Variants in RIMS1 observed in about 807,000 individuals in gnomAD.
RIMS1 encodes the protein regulating synaptic membrane exocytosis protein 1.
A neutral mutation model predicts 214.1 loss-of-function variants in RIMS1; 83 were observed. The ratio of observed to expected loss-of-function variants is 0.39; its 90% CI spans 0.32 to 0.47. RIMS1 has a LOEUF of 0.47. Among genes scored for constraint, RIMS1 ranks in the 20% least tolerant of loss-of-function variants. RIMS1 has a pLI of 0.99. For missense variants in RIMS1, 2,050 were observed against 2,161.8 expected, an observed-to-expected ratio of 0.95 and a Z score of 1.03; for synonymous variants, 793 against 786.8, an observed-to-expected ratio of 1.01 and a Z score of -0.13.
At chr6:72,241,874 CA>C (rs568466860) in intron 9 of RIMS1, among the ~76,000 whole-genome samples, 25 of 152,152 alleles carry the variant, frequency 1.6e-4, no homozygotes, top group African/African-American at 5.8e-4. Context: ...CTCTTTCTTC[CA>C]AAAATAAAAC....
chr6:72,210,859 G>A (rs1309617211), intron 6 of RIMS1, among the ~76,000 whole-genome samples: 1 of 152,114 alleles, frequency 6.6e-6, no homozygotes, highest in Non-Finnish European at 1.5e-5. Context: ...TAGTATAGTT[G>A]ATACTCAGAA....
At chr6:72,183,623 T>C (rs1238343619) in intron 6 of RIMS1, among the ~76,000 whole-genome samples, 1 of 151,704 alleles carries the variant, frequency 6.6e-6, no homozygotes, top group Non-Finnish European at 1.5e-5. Flanking sequence ...GTGAACAGAT[T>C]ACAGTTTATT....
At chr6:72,238,752 T>A (rs2065383760) in intron 9 of RIMS1, among the ~76,000 whole-genome samples, 1 of 152,120 alleles carries the variant, frequency 6.6e-6, no homozygotes, top group East Asian at 1.9e-4. Flanking sequence ...GAATTAAAGA[T>A]TAATAACCCA....
intron 24 of RIMS1, among the ~76,000 whole-genome samples, chr6:72,285,424 A>G (rs1213139942): frequency 1.3e-5 from 2 of 152,250 alleles, no homozygotes; most frequent in East Asian, 1.9e-4. Context: ...GTAGCAAAAA[A>G]GAAAAGCTTT....
intron 2 of RIMS1, among the ~76,000 whole-genome samples, chr6:72,012,694 C>A (rs965293167): frequency 6.6e-6 from 1 of 152,180 alleles, no homozygotes; most frequent in South Asian, 2.1e-4. Context: ...ATGTACACAG[C>A]AAGGTTATAA....
rs150894203 is a variant in RIMS1, at chr6:72,022,048, A to G, written c.245+52985A>G. ...TAGGTTATCTTGTTATGAAAGAGAG[A>G]AAGAATGGATATTAGGGGACAACTA... On this transcript the variant is annotated intron_variant, in intron 2 of 33. Transcript: ENST00000521978. Among the ~76,000 whole-genome samples the G allele has an allele frequency of 2.9e-4, 44 of 152,306 alleles. 1 individual carries two copies. The East Asian group carries it at 8.1e-3, about 28-fold the overall frequency.
chr6:72,034,512 C>T (rs1015147996), intron 2 of RIMS1, among the ~76,000 whole-genome samples: 3 of 151,824 alleles, frequency 2.0e-5, no homozygotes, highest in Admixed American at 2.0e-4. Flanking sequence ...TTATGTTTTC[C>T]TGGAACAGGT....
intron 4 of RIMS1, among the ~76,000 whole-genome samples, chr6:72,172,818 T>C (rs570650193): frequency 1.2e-4 from 18 of 152,308 alleles, no homozygotes; most frequent in South Asian, 6.2e-4. Flanking sequence ...GCCTTTTGTG[T>C]TGTTGCTGTT....
intron 4 of RIMS1, among the ~76,000 whole-genome samples, chr6:72,150,331 G>A (rs1190334656): frequency 6.6e-6 from 1 of 152,156 alleles, no homozygotes; most frequent in Non-Finnish European, 1.5e-5. Flanking sequence ...TGGGAAGAGA[G>A]GTTCTCAATT....
chr6:71,974,802 AAC>A (rs1796754395), intron 2 of RIMS1, among the ~76,000 whole-genome samples: 1 of 152,226 alleles, frequency 6.6e-6, no homozygotes, highest in African/African-American at 2.4e-5. Flanking sequence ...CTCCAATTGC[AAC>A]ACTCAGAAAA....
At chr6:72,392,899 A>G (rs577874477) in intron 31 of RIMS1, 89 bp downstream of exon 31, 6 of 861,950 alleles carry the variant, frequency 7.0e-6, no homozygotes, top group East Asian at 5.1e-5. Context: ...TAATAGCAAT[A>G]CAAGTGAGAA....
chr6:72,011,251 G>A (rs1000984097), intron 2 of RIMS1, among the ~76,000 whole-genome samples: 5 of 152,160 alleles, frequency 3.3e-5, no homozygotes. Context: ...TTTAATAAAT[G>A]GTGCTGGGAA....
chr6:72,238,717 A>T (rs1484614463), intron 9 of RIMS1, among the ~76,000 whole-genome samples: 1 of 152,174 alleles, frequency 6.6e-6, no homozygotes. Context: ...ACAACTATAA[A>T]GGAAACAGAG....
At chr6:71,900,732 T>G (rs1773355130) in intron 1 of RIMS1, among the ~76,000 whole-genome samples, 1 of 152,056 alleles carries the variant, frequency 6.6e-6, no homozygotes, top group Non-Finnish European at 1.5e-5. Context: ...TTAGTCCTGG[T>G]TATTTGGCTT....
chr6:72,345,167 C>T (rs541568799), intron 29 of RIMS1, among the ~76,000 whole-genome samples: 2 of 151,738 alleles, frequency 1.3e-5, no homozygotes, highest in Admixed American at 6.6e-5. Flanking sequence ...TTAATACATC[C>T]TTATTTAATT....
At chr6:72,383,941 T>A (rs34427805) in intron 29 of RIMS1, among the ~76,000 whole-genome samples, 1 of 152,238 alleles carries the variant, frequency 6.6e-6, no homozygotes, top group Non-Finnish European at 1.5e-5. Context: ...TTTGTTTTTG[T>A]GAGTTAACAA....
In RIMS1 at chr6:72,096,952, A is replaced by C; in HGVS notation, c.249A>C (p.Arg83Ser). The change falls in exon 3 of 34, where the codon AGA (arginine) becomes AGC (serine). Residue 83 changes from arginine (R) to serine (S), a missense_variant. Physicochemically the swap from Arg to Ser is moderately radical, Grantham distance 110 (BLOSUM62 -1). Coordinates refer to ENST00000521978, the MANE Select transcript of RIMS1 (RefSeq NM_014989.7). The part of the protein sequence containing the change: ...AENQPHQPSP[R>S]LHQQFESYKE... ...TACCATTTTCTCTTTTGCCTAGGAGATTGCATCAACAGTTTGAAAGCTATA... is the reference window on the plus strand; with the variant it reads ...TACCATTTTCTCTTTTGCCTAGGAGCTTGCATCAACAGTTTGAAAGCTATA... 1 of 1,612,706 alleles carries C rather than the reference A, an allele frequency of 6.2e-7. No homozygotes were observed.
At chr6:72,179,157 GT>G (rs1215840548) in intron 4 of RIMS1, among the ~76,000 whole-genome samples, 1 of 151,930 alleles carries the variant, frequency 6.6e-6, no homozygotes, top group Admixed American at 6.5e-5. Context: ...AAGTACTGAG[GT>G]TTATGTATTT....
chr6:72,331,191 T>C (rs1323552582), intron 28 of RIMS1, among the ~76,000 whole-genome samples: 2 of 151,788 alleles, frequency 1.3e-5, no homozygotes, highest in African/African-American at 4.8e-5. Context: ...CTTAAACTTC[T>C]TTATAAACTA....
Sources: gnomAD v4.1 joint callset for allele counts (sites outside exome capture counted in the v4.1 genomes callset) on GRCh38, gnomAD v4.1.1 for gene constraint, MANE v1.5 for transcripts, NCBI Gene and HGNC (gene_info 2026-07-23, HGNC 2026-07-21) for gene names.